The following IRAK3 variants were observed in gnomAD, a reference collection of about 807,000 sequenced individuals.
The protein encoded by IRAK3 is interleukin-1 receptor-associated kinase 3.
Under a neutral mutation model 56.6 loss-of-function variants are expected in IRAK3, and 57 were observed. The ratio of observed to expected loss-of-function variants is 1.01; its 90% CI spans 0.81 to 1.26. The LOEUF is 1.26. Ranked by LOEUF, IRAK3 falls within the 50% of genes most tolerant of loss-of-function variation. IRAK3 has a pLI of 0.00. For missense variants in IRAK3, 703 were observed against 719.0 expected (o/e 0.98, Z 0.25); for synonymous variants, 258 against 255.7 (o/e 1.01, Z -0.09).
rs1380338864 is a variant in IRAK3, at chr12:66,254,352, T to TTA, written c.*6183_*6184dup. 6.6e-6 allele frequency: 1 copy of TTA among 152,154 alleles called. No homozygotes were observed. Among genetic ancestry groups the TTA allele is most frequent in the Admixed American group, 6.6e-5 (1 of 15,266 alleles). 9.4% of individuals were successfully genotyped at this position (152,154 alleles called of 1,614,324 possible). ...CATTTAAAAATATTTAGATATATGT[T>TTA]TATTGCTATGGATATATGTTCCCAA... is the stretch of plus-strand genomic sequence containing the variant. On this transcript the variant is annotated 3_prime_UTR_variant, in exon 12 of 12. Transcript: ENST00000261233.
intron 6 of IRAK3, among the ~76,000 whole-genome samples, chr12:66,226,450 C>T (rs2052787375): frequency 6.6e-6 from 1 of 152,110 alleles, no homozygotes; most frequent in East Asian, 1.9e-4. Context: ...CCATGTTGGC[C>T]AGGCTGGTCT....
chr12:66,218,545 C>T (rs1016187777), intron 6 of IRAK3, among the ~76,000 whole-genome samples: 1 of 152,130 alleles, frequency 6.6e-6, no homozygotes, highest in Non-Finnish European at 1.5e-5. Context: ...CCTGGTTTTC[C>T]ATTGTTGCCA....
At chr12:66,199,684 G>A (rs564063051) in intron 1 of IRAK3, among the ~76,000 whole-genome samples, 1 of 152,182 alleles carries the variant, frequency 6.6e-6, no homozygotes, top group African/African-American at 2.4e-5. Context: ...CTGTATTACT[G>A]GCATATAGCA....
At chr12:66,247,607 A>G in intron 11 of IRAK3, 88 bp from the exon 12 acceptor site, 1 of 865,304 alleles carries the variant, frequency 1.2e-6, no homozygotes, top group Admixed American at 2.0e-5. Context: ...TGAAAATGAA[A>G]GAATATTCTT....
chr12:66,196,941 TG>T (rs1565798078), intron 1 of IRAK3: 6 of 1,535,500 alleles, frequency 3.9e-6, no homozygotes, highest in Non-Finnish European at 5.2e-6. Flanking sequence ...GGCATGTGGT[TG>T]TATGCAAATA....
intron 2 of IRAK3, 99 bp from the exon 3 acceptor site, chr12:66,209,357 A>G: frequency 1.3e-6 from 1 of 748,434 alleles, no homozygotes; most frequent in Non-Finnish European, 2.4e-6. Context: ...TTAGAAATGA[A>G]CAATGGCTAG....
intron 11 of IRAK3, among the ~76,000 whole-genome samples, chr12:66,246,557 G>A (rs965995900): frequency 3.3e-5 from 5 of 152,238 alleles, no homozygotes; most frequent in African/African-American, 1.2e-4. Flanking sequence ...TCAGGAAGGA[G>A]CTATGACATA....
rs2053064955 is a variant in IRAK3, at chr12:66,248,938, T to C, written c.*767T>C. 6.6e-6 allele frequency: 1 copy of C among 152,116 alleles called. No individual in the cohort carries two copies. The highest frequency in any genetic ancestry group is 1.5e-5 in the Non-Finnish European group (1 of 68,022). The allele number at this position is 152,116 out of a possible 1,614,324, so 9.4% of individuals were successfully genotyped here. On this transcript the variant is annotated 3_prime_UTR_variant, in exon 12 of 12. Transcript: ENST00000261233. The stretch of plus-strand genomic sequence containing the variant: ...TGGTCAAGGGCCTAGGTCAGCTTTT[T>C]GTTTAATCTACACCTTTCAACTCTG...
At chr12:66,228,883 A>G (rs1379854869) in intron 8 of IRAK3, among the ~76,000 whole-genome samples, 1 of 152,206 alleles carries the variant, frequency 6.6e-6, no homozygotes, top group East Asian at 1.9e-4. Context: ...CACATTTAAC[A>G]TAGGCTGGGC....
intron 1 of IRAK3, among the ~76,000 whole-genome samples, chr12:66,202,018 G>T (rs1565799498): frequency 6.6e-6 from 1 of 152,200 alleles, no homozygotes; most frequent in Non-Finnish European, 1.5e-5. Flanking sequence ...TCTCACAGGG[G>T]TATGGGTTGG....
chr12:66,211,873 G>A (rs1401005794), intron 5 of IRAK3, among the ~76,000 whole-genome samples: 1 of 152,170 alleles, frequency 6.6e-6, no homozygotes, highest in Non-Finnish European at 1.5e-5. Flanking sequence ...CACTTTGGGA[G>A]CCCAAGGTGG....
rs778496638 is a variant in IRAK3 at position 66,247,930 on chromosome 12, T to G, written c.1550T>G (p.Leu517Arg). 1.1e-5 allele frequency: 17 copies of G among 1,614,040 alleles called. No individual in the cohort carries two copies. In the South Asian group the frequency reaches 1.9e-4, roughly 18 times the overall value. Residue 517 changes from leucine to arginine, a missense_variant, in exon 12 of 12, where the codon CTG becomes CGG. Coordinates refer to ENST00000261233, the MANE Select transcript of IRAK3 (RefSeq NM_007199.3). ...FECSQSEVMF[L>R]SLDKKPESKR... Reference sequence around the variant, plus strand: ...TGCAGCCAGTCTGAGGTTATGTTTCTGAGCTTGGACAAAAAGCCAGAGAGC... The same window carrying G: ...TGCAGCCAGTCTGAGGTTATGTTTCGGAGCTTGGACAAAAAGCCAGAGAGC...
chr12:66,246,837 G>A (rs563504205), intron 11 of IRAK3, among the ~76,000 whole-genome samples: 66 of 152,178 alleles, frequency 4.3e-4, no homozygotes, highest in African/African-American at 1.2e-3. Context: ...TTACATCAAG[G>A]GTTCTCACAT....
Position 66,248,065 on chromosome 12 carries a change from A to G in IRAK3, c.1685A>G (p.Asp562Gly). 1 of 1,589,096 alleles carries G rather than the reference A, an allele frequency of 6.3e-7. No individual in the cohort carries two copies. Among genetic ancestry groups the G allele is most frequent in the African/African-American group, 1.4e-5 (1 of 73,526 alleles). ...QDLRPYKVNIDPSSEAPGHSC... is the reference protein window; with the variant it reads ...QDLRPYKVNIGPSSEAPGHSC... Reference sequence around the variant, plus strand: ...TTAAGGCCCTATAAGGTAAATATAGATCCTTCTTCAGAAGCTCCAGGGCAT... The same window carrying G: ...TTAAGGCCCTATAAGGTAAATATAGGTCCTTCTTCAGAAGCTCCAGGGCAT... The change falls in exon 12 of 12, where the codon GAT becomes GGT. Residue 562 changes from aspartate to glycine, a missense_variant. By Grantham distance (94) the Asp-to-Gly change is moderately conservative. Transcript: ENST00000261233.
At chr12:66,228,834 T>C in intron 8 of IRAK3, among the ~76,000 whole-genome samples, 1 of 152,196 alleles carries the variant, frequency 6.6e-6, no homozygotes, top group East Asian at 1.9e-4. Flanking sequence ...TAGCACTAGA[T>C]GATTTTACCC....
At chr12:66,223,932 C>T (rs2136935987) in intron 6 of IRAK3, among the ~76,000 whole-genome samples, 1 of 151,826 alleles carries the variant, frequency 6.6e-6, no homozygotes, top group South Asian at 2.1e-4. Context: ...TCATTTTTTA[C>T]ATTTATTTGT....
Position 66,247,923 on chromosome 12 carries a change from A to G in IRAK3, c.1543A>G (p.Met515Val). Reference protein sequence around the residue: ...TPFECSQSEVMFLSLDKKPES... With the variant: ...TPFECSQSEVVFLSLDKKPES... ...TTTTGAATGCAGCCAGTCTGAGGTT[A>G]TGTTTCTGAGCTTGGACAAAAAGCC... is the stretch of plus-strand genomic sequence containing the variant. The change falls in exon 12 of 12, where the codon ATG becomes GTG. Residue 515 changes from methionine (M) to valine (V), a missense_variant. By Grantham distance (21) the Met-to-Val change is conservative (BLOSUM62 1). Transcript: ENST00000261233. The G allele has an allele frequency of 6.2e-7, 1 of 1,614,216 alleles. No homozygotes were observed. Among genetic ancestry groups the G allele is most frequent in the East Asian group, 2.2e-5 (1 of 44,888 alleles).
chr12:66,197,860 G>C, intron 1 of IRAK3: 1 of 985,342 alleles, frequency 1.0e-6, no homozygotes, highest in African/African-American at 1.7e-5. Context: ...GTCACAGGAC[G>C]GGACATCCCA....
intron 2 of IRAK3, among the ~76,000 whole-genome samples, chr12:66,204,775 TGC>T (rs142792546): frequency 1.1e-5 from 1 of 87,782 alleles, no homozygotes; most frequent in Non-Finnish European, 2.4e-5. Flanking sequence ...CATGAGCCCT[TGC>T]GCACACACAC....
Sources: gnomAD v4.1 joint callset for allele counts (sites outside exome capture counted in the v4.1 genomes callset) on GRCh38, gnomAD v4.1.1 for gene constraint, MANE v1.5 for transcripts, NCBI Gene and HGNC (gene_info 2026-07-23, HGNC 2026-07-21) for gene names.